DLGAP1: variants seen among roughly 807,000 people sequenced by gnomAD.
DLGAP1 encodes the protein DLG associated protein 1.
A neutral mutation model predicts 90.8 loss-of-function variants in DLGAP1; 11 were observed. The observed-to-expected ratio is 0.12, with a 90% confidence interval of 0.08 to 0.20. DLGAP1 has a LOEUF of 0.20. DLGAP1 is among the 10% of genes least tolerant of loss of function. The pLI is 1.00. For synonymous variants in DLGAP1, 558 were observed against 540.7 expected (o/e 1.03, Z -0.44); for missense variants, 1,050 against 1,333.8 (o/e 0.79, Z 3.31).
intron 2 of DLGAP1, among the ~76,000 whole-genome samples, chr18:4,027,827 C>T (rs180787661): frequency 6.6e-6 from 1 of 152,124 alleles, no homozygotes; most frequent in African/African-American, 2.4e-5. Context: ...TGCTTTCCAG[C>T]TCAGCAGTGT....
At chr18:3,880,260 T>C in intron 3 of DLGAP1, 120 bp from the exon 4 acceptor site, 1 of 613,906 alleles carries the variant, frequency 1.6e-6, no homozygotes, top group Non-Finnish European at 2.9e-6. Flanking sequence ...CTCTGCTTCC[T>C]GCAGCCTCCA....
intron 7 of DLGAP1, among the ~76,000 whole-genome samples, chr18:3,703,736 C>T (rs181747989): frequency 3.0e-4 from 46 of 152,198 alleles, no homozygotes; most frequent in Middle Eastern, 3.4e-3. Flanking sequence ...AACCAAATGC[C>T]CTCTTTTCTG....
chr18:4,224,055 C>G (rs1222112471), intron 1 of DLGAP1, among the ~76,000 whole-genome samples: 1 of 152,254 alleles, frequency 6.6e-6, no homozygotes, highest in Non-Finnish European at 1.5e-5. Context: ...CAGGCCCTAA[C>G]TCCTGGTTGA....
chr18:3,507,979 C>T (rs200744109), intron 11 of DLGAP1, among the ~76,000 whole-genome samples: 14 of 152,152 alleles, frequency 9.2e-5, no homozygotes, highest in East Asian at 7.7e-4. Flanking sequence ...TCAGGTGATC[C>T]GTCTGCCTTG....
intron 1 of DLGAP1, among the ~76,000 whole-genome samples, chr18:4,380,749 A>G (rs370463466): frequency 5.3e-5 from 8 of 152,168 alleles, no homozygotes; most frequent in Non-Finnish European, 1.2e-4. Context: ...TATACTAATT[A>G]ACGAAACTCA....
chr18:3,857,455 GAC>G (rs1674499869), intron 4 of DLGAP1, among the ~76,000 whole-genome samples: 1 of 151,992 alleles, frequency 6.6e-6, no homozygotes, highest in Non-Finnish European at 1.5e-5. Flanking sequence ...TTATCAAAAT[GAC>G]ACAAAATGAT....
intron 7 of DLGAP1, chr18:3,655,725 A>T (rs2059458958): frequency 4.5e-6 from 1 of 223,780 alleles, no homozygotes; most frequent in African/African-American, 2.3e-5. Context: ...GACGCTCTAG[A>T]CCAGGCTCTG....
At chr18:4,449,922 G>A (rs1389054836) in intron 1 of DLGAP1, among the ~76,000 whole-genome samples, 3 of 152,086 alleles carry the variant, frequency 2.0e-5, no homozygotes, top group Non-Finnish European at 4.4e-5. Flanking sequence ...ACCTAGGCAA[G>A]GATTCACAGG....
intron 3 of DLGAP1, among the ~76,000 whole-genome samples, chr18:3,904,119 C>T (rs1327652819): frequency 6.6e-6 from 1 of 152,230 alleles, no homozygotes; most frequent in Non-Finnish European, 1.5e-5. Flanking sequence ...TGAGAAGATG[C>T]ACTCTCAGGA....
At chr18:3,804,387 C>T (rs2066471178) in intron 5 of DLGAP1, among the ~76,000 whole-genome samples, 1 of 152,234 alleles carries the variant, frequency 6.6e-6, no homozygotes, top group African/African-American at 2.4e-5. Context: ...CCTGCCCCCT[C>T]ATAGAACTAG....
chr18:4,165,321 A>G (rs2076915349), intron 1 of DLGAP1, among the ~76,000 whole-genome samples: 1 of 152,220 alleles, frequency 6.6e-6, no homozygotes, highest in South Asian at 2.1e-4. Context: ...AAGTGGCAAA[A>G]CGGTTTTCAA....
intron 1 of DLGAP1, among the ~76,000 whole-genome samples, chr18:4,278,620 G>GT (rs550164473): frequency 3.2e-4 from 49 of 152,078 alleles, no homozygotes; most frequent in Non-Finnish European, 4.9e-4. Context: ...TGATTTCATT[G>GT]TTTTTTATGG....
chr18:3,638,627 A>G (rs989738203), intron 7 of DLGAP1, among the ~76,000 whole-genome samples: 24 of 152,148 alleles, frequency 1.6e-4, no homozygotes, highest in African/African-American at 5.6e-4. Flanking sequence ...ACTGCCTTGG[A>G]TGACATCTTA....
At chr18:3,873,612 G>T (rs893151643) in intron 4 of DLGAP1, among the ~76,000 whole-genome samples, 1 of 151,998 alleles carries the variant, frequency 6.6e-6, no homozygotes, top group Admixed American at 6.6e-5. Flanking sequence ...CTCAGCCAGG[G>T]AAAGAAAACT....
intron 2 of DLGAP1, among the ~76,000 whole-genome samples, chr18:4,109,469 T>C (rs1280009240): frequency 2.0e-5 from 3 of 152,204 alleles, no homozygotes; most frequent in South Asian, 2.1e-4. Context: ...AAACATTCCA[T>C]GGTTACTGTA....
At chr18:3,602,491 A>T (rs897917089) in intron 7 of DLGAP1, among the ~76,000 whole-genome samples, 3 of 144,508 alleles carry the variant, frequency 2.1e-5, no homozygotes, top group Admixed American at 7.2e-5. Context: ...GCTACTCGGG[A>T]GGCTGAGGCA....
At position 3,895,319 on chromosome 18, in the gene DLGAP1, A is replaced by AT. The variant is rs1555703518; in HGVS notation, c.-72-15180_-72-15179insA. ...CACACACACACACACACACACACAC[A>AT]CATCATCATCATCATCATCATCATC... On this transcript the variant is annotated intron_variant, in intron 3 of 12. Transcript: ENST00000315677. Among the ~76,000 whole-genome samples, 692 of 148,390 alleles carry AT rather than the reference A, an allele frequency of 4.7e-3. 2 individuals are homozygous for AT. Among genetic ancestry groups the AT allele is most frequent in the Middle Eastern group, 0.017 (5 of 288 alleles).
intron 4 of DLGAP1, among the ~76,000 whole-genome samples, chr18:3,821,293 A>G (rs936455475): frequency 7.4e-6 from 1 of 135,594 alleles, no homozygotes; most frequent in East Asian, 2.0e-4. Context: ...TGTGTCAAAA[A>G]AAAAAAAAAA....
chr18:3,723,610 C>T (rs371175814), intron 7 of DLGAP1, among the ~76,000 whole-genome samples: 1 of 151,772 alleles, frequency 6.6e-6, no homozygotes, highest in Non-Finnish European at 1.5e-5. Flanking sequence ...GTGTGGAGTG[C>T]ATGAAGGTGG....
Sources: gnomAD v4.1 joint callset for allele counts (sites outside exome capture counted in the v4.1 genomes callset) on GRCh38, gnomAD v4.1.1 for gene constraint, MANE v1.5 for transcripts, NCBI Gene and HGNC (gene_info 2026-07-23, HGNC 2026-07-21) for gene names.